NRXN3: variants seen among roughly 807,000 people sequenced by gnomAD.
NRXN3 encodes neurexin III.
NRXN3 carries 32 observed loss-of-function variants against 137.6 expected under a neutral mutation model. The ratio of observed to expected loss-of-function variants is 0.23; its 90% CI spans 0.18 to 0.31. The LOEUF is 0.31. NRXN3 is among the 10% of genes least tolerant of loss of function. The probability of loss-of-function intolerance (pLI) is 1.00; values close to 1 mark genes in which losing one functional copy is unlikely to be tolerated. For missense variants in NRXN3, 1,574 were observed against 2,062.5 expected, an observed-to-expected ratio of 0.76 and a Z score of 4.59; for synonymous variants, 798 against 784.5, an observed-to-expected ratio of 1.02 and a Z score of -0.29.
chr14:78,812,942 GTCTTTTAAACTAATCTAACACCTT>G (rs1310632656), intron 10 of NRXN3, among the ~76,000 whole-genome samples: 1 of 152,104 alleles, frequency 6.6e-6, no homozygotes, highest in Admixed American at 6.6e-5. Context: ...ATATACATGG[GTCTTTTAAACTAATCTAACACCTT>G]TAGAGCTAAA....
rs777275897 is a variant in NRXN3, at chr14:78,968,356, AT to A, written c.3142+17del. ...GAGCGTGGCTGTGAAGGTACAACCT[AT>A]TTTTTTCTTGTTAAGCTACAGCCTT... On this transcript the variant is annotated intron_variant, in intron 14 of 20. Transcript: ENST00000335750. The A allele has an allele frequency of 2.5e-6, 4 of 1,609,640 alleles. No individual in the cohort carries two copies. Among genetic ancestry groups the A allele is most frequent in the South Asian group, 1.1e-5 (1 of 90,716 alleles).
At chr14:79,724,496 C>T (rs1217098230) in intron 19 of NRXN3, among the ~76,000 whole-genome samples, 2 of 152,026 alleles carry the variant, frequency 1.3e-5, no homozygotes, top group African/African-American at 2.4e-5. Flanking sequence ...TTGGTTGTCA[C>T]AATTGAAAAG....
intron 8 of NRXN3, among the ~76,000 whole-genome samples, chr14:78,749,988 C>T (rs58922205): frequency 4.5e-4 from 69 of 152,314 alleles, no homozygotes; most frequent in African/African-American, 1.6e-3. Context: ...ATTTATAGTT[C>T]CTTCAGCCTC....
intron 16 of NRXN3, among the ~76,000 whole-genome samples, chr14:79,581,276 T>C (rs116922513): frequency 4.6e-5 from 7 of 152,194 alleles, no homozygotes; most frequent in Non-Finnish European, 8.8e-5. Flanking sequence ...GCTTCCTTAC[T>C]GCTTCTCTCA....
At chr14:79,079,431 G>C (rs957673991) in intron 15 of NRXN3, among the ~76,000 whole-genome samples, 1 of 152,098 alleles carries the variant, frequency 6.6e-6, no homozygotes, top group Non-Finnish European at 1.5e-5. Context: ...CAAACCAAAA[G>C]TGTATATTCT....
chr14:78,700,056 A>G (rs2098264532), intron 6 of NRXN3, among the ~76,000 whole-genome samples: 1 of 152,170 alleles, frequency 6.6e-6, no homozygotes, highest in South Asian at 2.1e-4. Flanking sequence ...AATTGACATG[A>G]CAAATATATC....
chr14:78,180,553 C>G (rs759886442), intron 1 of NRXN3, among the ~76,000 whole-genome samples: 5 of 152,200 alleles, frequency 3.3e-5, no homozygotes, highest in Middle Eastern at 3.4e-3. Flanking sequence ...TGCCTGTGGC[C>G]GCAGAGTTGG....
intron 16 of NRXN3, among the ~76,000 whole-genome samples, chr14:79,492,582 C>T (rs889965945): frequency 4.6e-5 from 7 of 152,070 alleles, no homozygotes; most frequent in African/African-American, 1.2e-4. Context: ...GGGTTTTCGC[C>T]GTGTTGGCCA....
intron 10 of NRXN3, among the ~76,000 whole-genome samples, chr14:78,855,347 A>C (rs1223670880): frequency 6.6e-6 from 1 of 152,156 alleles, no homozygotes; most frequent in Non-Finnish European, 1.5e-5. Context: ...AACAAGATGA[A>C]AACCTGCCTG....
intron 4 of NRXN3, among the ~76,000 whole-genome samples, chr14:78,610,343 T>C (rs1325783535): frequency 6.6e-6 from 1 of 152,252 alleles, no homozygotes; most frequent in Admixed American, 6.5e-5. Flanking sequence ...AATAGATTTC[T>C]GGATTCTGTT....
At chr14:78,582,150 A>T (rs939142733) in intron 4 of NRXN3, among the ~76,000 whole-genome samples, 1 of 152,212 alleles carries the variant, frequency 6.6e-6, no homozygotes, top group Non-Finnish European at 1.5e-5. Flanking sequence ...CAGCTGCAGG[A>T]CTAGAGAGAG....
intron 16 of NRXN3, among the ~76,000 whole-genome samples, chr14:79,486,286 T>A (rs995525580): frequency 6.6e-6 from 1 of 152,134 alleles, no homozygotes; most frequent in Non-Finnish European, 1.5e-5. Context: ...CTATACATAC[T>A]AGAAAAAAAT....
At chr14:78,992,493 C>T (rs939780814) in intron 15 of NRXN3, among the ~76,000 whole-genome samples, 12 of 152,106 alleles carry the variant, frequency 7.9e-5, no homozygotes, top group Non-Finnish European at 1.6e-4. Flanking sequence ...GGACTGAGAA[C>T]CTGGGAAATT....
At chr14:78,423,936 C>T (rs1325850094) in intron 4 of NRXN3, among the ~76,000 whole-genome samples, 2 of 152,164 alleles carry the variant, frequency 1.3e-5, no homozygotes, top group African/African-American at 4.8e-5. Flanking sequence ...TATGAACAAG[C>T]GTCTGCAAAA....
chr14:79,293,934 A>G (rs2083607113), intron 15 of NRXN3, among the ~76,000 whole-genome samples: 2 of 152,378 alleles, frequency 1.3e-5, no homozygotes, highest in South Asian at 4.1e-4. Context: ...AAATTGAAGT[A>G]TAAATCAGTC....
intron 15 of NRXN3, among the ~76,000 whole-genome samples, chr14:79,176,433 A>G (rs2062353630): frequency 6.6e-6 from 1 of 152,200 alleles, no homozygotes; most frequent in Non-Finnish European, 1.5e-5. Flanking sequence ...TATGGTGTTG[A>G]ATAGGTGATC....
intron 15 of NRXN3, among the ~76,000 whole-genome samples, chr14:79,413,051 T>C (rs2095442306): frequency 6.6e-6 from 1 of 152,146 alleles, no homozygotes; most frequent in African/African-American, 2.4e-5. Flanking sequence ...AATGTCCCAA[T>C]AGACACTTAA....
At chr14:79,769,694 A>C (rs897667959) in intron 19 of NRXN3, among the ~76,000 whole-genome samples, 1 of 152,164 alleles carries the variant, frequency 6.6e-6, no homozygotes, top group Admixed American at 6.6e-5. Flanking sequence ...GACCATCGAG[A>C]CTAGGAAGAA....
At chr14:78,799,804 G>A (rs1221520353) in intron 8 of NRXN3, among the ~76,000 whole-genome samples, 1 of 152,060 alleles carries the variant, frequency 6.6e-6, no homozygotes, top group Admixed American at 6.6e-5. Context: ...AGCGAAAGGG[G>A]TTTTTCGTTA....
Sources: gnomAD v4.1 joint callset for allele counts (sites outside exome capture counted in the v4.1 genomes callset) on GRCh38, gnomAD v4.1.1 for gene constraint, MANE v1.5 for transcripts, NCBI Gene and HGNC (gene_info 2026-07-23, HGNC 2026-07-21) for gene names.